Variants in TRRAP observed in about 807,000 individuals in gnomAD.
The protein encoded by TRRAP is transformation/transcription domain-associated protein.
In TRRAP, 41 loss-of-function variants were observed where a neutral mutation model predicts 438.8. The observed-to-expected ratio is 0.09, with a 90% CI of 0.07 to 0.12. TRRAP has a LOEUF of 0.12. TRRAP is among the 10% of genes least tolerant of loss of function. The pLI is 1.00. For missense variants in TRRAP, 3,122 were observed against 5,055.1 expected (o/e 0.62, Z 11.60); for synonymous variants, 1,994 against 1,962.9 (o/e 1.02, Z -0.42).
At chr7:98,897,492 T>C (rs577245710) in intron 7 of TRRAP, among the ~76,000 whole-genome samples, 7 of 152,336 alleles carry the variant, frequency 4.6e-5, no homozygotes, top group South Asian at 4.1e-4. Context: ...ATGGTCCCTG[T>C]CGTGTTATCT....
At chr7:98,997,482 G>GAAAAAAA (rs1562977777) in intron 67 of TRRAP, among the ~76,000 whole-genome samples, 21 of 39,316 alleles carry the variant, frequency 5.3e-4, no homozygotes, top group African/African-American at 2.3e-3. Flanking sequence ...CACTGCTGTT[G>GAAAAAAA]CAAAAAAAAA....
chr7:99,011,764 C>T lies in TRRAP; in HGVS notation c.11337+229C>T, dbSNP rs922469493. On this transcript the variant is annotated intron_variant, in intron 72 of 72. Coordinates refer to ENST00000456197, the MANE Select transcript of TRRAP (RefSeq NM_001375524.1). The surrounding 1 kb of genome is among the most constrained non-coding windows in gnomAD (Gnocchi z 7.1). ...GGCCTGCCTGACACTCGGCAGATGCCGGAAGGTGTCAAGTGAACAAATAAA... is the reference window on the plus strand; with the variant it reads ...GGCCTGCCTGACACTCGGCAGATGCTGGAAGGTGTCAAGTGAACAAATAAA... Among the ~76,000 whole-genome samples, 2 of 152,264 alleles carry T rather than the reference C, an allele frequency of 1.3e-5. No homozygotes were observed. Among genetic ancestry groups the T allele is most frequent in the Admixed American group, 6.5e-5 (1 of 15,294 alleles).
At chr7:98,996,148 C>T (rs2116822239) in intron 67 of TRRAP, among the ~76,000 whole-genome samples, 1 of 152,300 alleles carries the variant, frequency 6.6e-6, no homozygotes, top group East Asian at 1.9e-4. Context: ...TACACACCTA[C>T]ATCCCATTTA....
At position 98,930,221 on chromosome 7, in the gene TRRAP, A is replaced by G. The variant is rs782404732; in HGVS notation, c.3393+15A>G. 7.4e-6 allele frequency: 12 copies of G among 1,613,502 alleles called. No homozygotes were observed. The highest frequency in any genetic ancestry group is 1.7e-5 in the Admixed American group (1 of 59,972). ...CCAAGGAGAGGGTAAGGAAGGGTTG[A>G]GGAGTGTCTTCTGATTTGGAGGGTG... is the stretch of plus-strand genomic sequence containing the variant. On this transcript the variant is annotated intron_variant, in intron 24 of 72. Coordinates refer to ENST00000456197, the MANE Select transcript of TRRAP (RefSeq NM_001375524.1).
intron 3 of TRRAP, among the ~76,000 whole-genome samples, chr7:98,888,494 G>A (rs774276891): frequency 7.2e-5 from 11 of 152,082 alleles, no homozygotes; most frequent in Non-Finnish European, 1.6e-4. Flanking sequence ...CCAAGATCAC[G>A]CCATTGCACT....
At chr7:98,897,214 A>G (rs1796254105) in intron 7 of TRRAP, among the ~76,000 whole-genome samples, 4 of 152,094 alleles carry the variant, frequency 2.6e-5, no homozygotes, top group South Asian at 2.1e-4. Flanking sequence ...CAGCCTGGGC[A>G]ACAGAGCGAG....
chr7:98,910,218 G>GGCCCCCCCCCCCCCCCCCCCCCCCC lies in TRRAP; in HGVS notation c.1513_1514insGCCCCCCCCCCCCCCCCCCCCCCCC (p.Ala505GlyfsTer76). On this transcript the variant is annotated frameshift_variant, in exon 15 of 73. Coordinates refer to ENST00000456197, the MANE Select transcript of TRRAP (RefSeq NM_001375524.1). LOFTEE classifies it high-confidence loss of function. ...TGCTCCCTCCCCAGCCCCTGTCCCT[G>GGCCCCCCCCCCCCCCCCCCCCCCCC]CCCCACCTCCACCCCCGCCCCCACC... 4 of 1,377,578 alleles carry GGCCCCCCCCCCCCCCCCCCCCCCCC rather than the reference G, an allele frequency of 2.9e-6. No homozygotes were observed. Among genetic ancestry groups the GGCCCCCCCCCCCCCCCCCCCCCCCC allele is most frequent in the East Asian group, 2.6e-5 (1 of 38,488 alleles). The allele number at this position is 1,377,578 out of a possible 1,614,324, so 85.3% of individuals were successfully genotyped here. A position where few individuals can be genotyped will look rare whatever the true frequency, so the allele number is the denominator to read the frequency against.
chr7:98,917,025 G>A lies in TRRAP; in HGVS notation c.2366-398G>A, dbSNP rs552443610. Among the ~76,000 whole-genome samples the A allele has an allele frequency of 1.4e-4, 22 of 152,244 alleles. No individual in the cohort carries two copies. The South Asian group carries it at 4.6e-3, about 32-fold the overall frequency. On this transcript the variant is annotated intron_variant, in intron 19 of 72. Transcript: ENST00000456197. The stretch of plus-strand genomic sequence containing the variant: ...CTTAACTGTCCTCGTGAGTGGTGGG[G>A]AGGGGGACTTTATCAGAAAGAGGCT...
At position 98,910,340 on chromosome 7, in the gene TRRAP, C is replaced by T. The variant is rs1166839877; in HGVS notation, c.1635C>T (p.Asp545=). The T allele has an allele frequency of 6.2e-7, 1 of 1,610,758 alleles. No homozygotes were observed. The highest frequency in any genetic ancestry group is 1.3e-5 in the African/African-American group (1 of 74,890). The stretch of plus-strand genomic sequence containing the variant: ...ACAAGCAGACATTCCAAGTCACAGA[C>T]TGTCGAAGTTTGGTCAAAACCTTGG... The part of the protein sequence containing the change: ...KEDKQTFQVT[D]CRSLVKTLVC... Residue 545 remains aspartate, a synonymous_variant, in exon 15 of 73, where the codon GAC becomes GAT. Transcript: ENST00000456197.
At position 98,947,978 on chromosome 7, in the gene TRRAP, C is replaced by T. The variant is rs782686845; in HGVS notation, c.4549-243C>T. Among the ~76,000 whole-genome samples, 23 of 152,270 alleles carry T rather than the reference C, an allele frequency of 1.5e-4. 1 individual carries two copies. Among genetic ancestry groups the T allele is most frequent in the Non-Finnish European group, 2.5e-4 (17 of 68,026 alleles). On this transcript the variant is annotated intron_variant, in intron 33 of 72. Coordinates refer to ENST00000456197, the MANE Select transcript of TRRAP (RefSeq NM_001375524.1). ...CAGCACGATCACATCGGGTGTACAC[C>T]GTCGGCCCCTCCACACCCCTACAAT...
In TRRAP at chr7:99,005,447, T is replaced by A; in HGVS notation, c.10753+99T>A. 8.6e-7 allele frequency: 1 copy of A among 1,156,700 alleles called. No individual in the cohort carries two copies. Among genetic ancestry groups the A allele is most frequent in the Non-Finnish European group, 1.3e-6 (1 of 781,862 alleles). 71.7% of individuals were successfully genotyped at this position (1,156,700 alleles called of 1,614,324 possible). On this transcript the variant is annotated intron_variant, in intron 69 of 72. Coordinates refer to ENST00000456197, the MANE Select transcript of TRRAP (RefSeq NM_001375524.1). The surrounding 1 kb of genome is among the most constrained non-coding windows in gnomAD (Gnocchi z 5.1). ...GGTGCACAGGCAGCTCACGTTAGCC[T>A]TTGAGGGTCCAGCTGCGTCAGCAGA...
chr7:98,943,950 G>A (rs1180031503), intron 31 of TRRAP, among the ~76,000 whole-genome samples: 1 of 152,154 alleles, frequency 6.6e-6, no homozygotes, highest in Non-Finnish European at 1.5e-5. Flanking sequence ...TGACCATTGT[G>A]TGTCAAGGTG....
At chr7:99,007,393 G>T (rs914833891) in intron 69 of TRRAP, among the ~76,000 whole-genome samples, 1 of 152,192 alleles carries the variant, frequency 6.6e-6, no homozygotes, top group Non-Finnish European at 1.5e-5. Context: ...CTCTCATTCA[G>T]GCTGGAGTGC....
intron 3 of TRRAP, among the ~76,000 whole-genome samples, chr7:98,886,753 A>G (rs184690036): frequency 6.0e-4 from 91 of 152,348 alleles, no homozygotes; most frequent in African/African-American, 2.0e-3. Flanking sequence ...GGAGTCTTAC[A>G]GATTCATTAT....
intron 8 of TRRAP, among the ~76,000 whole-genome samples, chr7:98,898,532 CTT>C (rs1266089792): frequency 6.6e-6 from 1 of 152,166 alleles, no homozygotes; most frequent in Non-Finnish European, 1.5e-5. Context: ...GAACAAGAAA[CTT>C]TGAGTAACGC....
At chr7:98,943,855 G>A (rs782193857) in intron 31 of TRRAP, among the ~76,000 whole-genome samples, 9 of 152,122 alleles carry the variant, frequency 5.9e-5, no homozygotes, top group Admixed American at 2.6e-4. Flanking sequence ...CATAATTAAC[G>A]TGGCTTTTTG....
rs113390390 is a variant in TRRAP at position 98,910,446 on chromosome 7, C to CA, written c.1714+30dup. The CA allele has an allele frequency of 1.1e-3, 1,728 of 1,612,266 alleles. 12 individuals are homozygous for CA. The African/African-American group carries it at 0.016, about 15-fold the overall frequency. ...TAATTCTGCTCTTCAGTTATGTAGACAAACAATAGTTTTCATAAAGTGAGT... is the reference window on the plus strand; with the variant it reads ...TAATTCTGCTCTTCAGTTATGTAGACAAAACAATAGTTTTCATAAAGTGAGT... On this transcript the variant is annotated intron_variant, in intron 15 of 72. Coordinates refer to ENST00000456197, the MANE Select transcript of TRRAP (RefSeq NM_001375524.1).
chr7:98,960,214 A>C (rs762289659), intron 45 of TRRAP, among the ~76,000 whole-genome samples: 1 of 152,216 alleles, frequency 6.6e-6, no homozygotes, highest in Non-Finnish European at 1.5e-5. Context: ...CTTAGGTAAC[A>C]AGGAGCTAGT....
In TRRAP at chr7:98,900,661, T is replaced by C; in HGVS notation, c.838T>C (p.Phe280Leu). ...TTACAACAAGGAGTTGTATGCTGAC[T>C]TCATTGCTGCTCAGATTAAAACATT... ...KLYNKELYAD[F>L]IAAQIKTLSF... Residue 280 changes from phenylalanine (F) to leucine (L), a missense_variant, in exon 11 of 73, where the codon TTC (phenylalanine) becomes CTC (leucine). Phe to Leu is a conservative substitution (Grantham distance 22, BLOSUM62 0). This residue lies in a region of TRRAP where 343 missense variants were observed against 564.0 expected (regional missense o/e 0.61). Transcript: ENST00000456197. 6.2e-7 allele frequency: 1 copy of C among 1,613,650 alleles called. No individual in the cohort carries two copies. The highest frequency in any genetic ancestry group is 8.5e-7 in the Non-Finnish European group (1 of 1,179,966).
Sources: allele counts gnomAD v4.1 joint callset (sites outside exome capture counted in the v4.1 genomes callset), GRCh38; gene constraint gnomAD v4.1.1; regional missense constraint gnomAD v4.1.1; non-coding constraint Gnocchi (gnomAD v3.1); transcripts MANE v1.5; gene names NCBI Gene and HGNC (gene_info 2026-07-23, HGNC 2026-07-21).